The following CEP135 variants were observed in gnomAD, a reference collection of about 807,000 sequenced individuals.
CEP135 encodes the protein centrosomal protein of 135 kDa.
CEP135 carries 142 observed loss-of-function variants against 157.3 expected under a neutral mutation model. The observed-to-expected ratio is 0.90, with a 90% CI of 0.79 to 1.04. The LOEUF is 1.04. Among genes scored for constraint, CEP135 ranks in the 50% least tolerant of loss-of-function variants. CEP135 has a pLI of 0.00. For missense variants in CEP135, 1,317 were observed against 1,309.2 expected (o/e 1.01, Z -0.09); for synonymous variants, 396 against 439.8 (o/e 0.90, Z 1.25).
intron 8 of CEP135, among the ~76,000 whole-genome samples, chr4:55,967,269 C>T (rs1362897211): frequency 6.6e-6 from 1 of 152,028 alleles, no homozygotes; most frequent in African/African-American, 2.4e-5. Flanking sequence ...AAATACACCA[C>T]AAATGTTGAT....
At position 55,992,037 on chromosome 4, in the gene CEP135, A is replaced by C; in HGVS notation, c.1961A>C (p.His654Pro). The change falls in exon 15 of 26, where the codon CAT (histidine) becomes CCT (proline). Residue 654 changes from histidine to proline, a missense_variant. His to Pro is a moderately conservative substitution (Grantham distance 77). Transcript: ENST00000257287. ...AAAGTCCAAGCTCAAAAATTTAGCC[A>C]TGTGGCTGGTGACTCATCTCATCAG... is the stretch of plus-strand genomic sequence containing the variant. ...KLKVQAQKFS[H>P]VAGDSSHQKT... 1 of 1,610,352 alleles carries C rather than the reference A, an allele frequency of 6.2e-7. No individual in the cohort carries two copies. Among genetic ancestry groups the C allele is most frequent in the East Asian group, 2.2e-5 (1 of 44,696 alleles).
At chr4:55,957,459 G>C (rs1406459480) in intron 5 of CEP135, 95 bp downstream of exon 5, 4 of 1,077,274 alleles carry the variant, frequency 3.7e-6, no homozygotes, top group Non-Finnish European at 4.0e-6. Flanking sequence ...GTTAACTGTT[G>C]TGTCTCCAGT....
chr4:56,008,458 T>A, intron 18 of CEP135, 76 bp downstream of exon 18: 2 of 1,119,940 alleles, frequency 1.8e-6, no homozygotes, highest in Non-Finnish European at 1.3e-6. Context: ...TCAGTAGCAT[T>A]GCAGCAATAG....
chr4:55,958,909 ACTCT>A (rs1291125038), intron 5 of CEP135, among the ~76,000 whole-genome samples: 1 of 151,222 alleles, frequency 6.6e-6, no homozygotes, highest in East Asian at 1.9e-4. Flanking sequence ...ATGTGGAAAA[ACTCT>A]CTCTCTACAA....
chr4:55,964,991 A>G (rs1447166272), intron 7 of CEP135: 2 of 152,166 alleles, frequency 1.3e-5, no homozygotes, highest in South Asian at 2.1e-4. Context: ...TTGGTATGAC[A>G]GAGTTGCCTG....
intron 17 of CEP135, among the ~76,000 whole-genome samples, chr4:56,000,245 A>T (rs750077290): frequency 1.6e-4 from 24 of 152,344 alleles, no homozygotes; most frequent in Middle Eastern, 3.4e-3. Flanking sequence ...TATGAGATGT[A>T]CATATTTTTG....
chr4:56,010,780 C>A (rs1372605829), intron 19 of CEP135, among the ~76,000 whole-genome samples: 2 of 152,184 alleles, frequency 1.3e-5, no homozygotes. Context: ...AAACATCTTA[C>A]GTTTTTAAAA....
Position 55,965,817 on chromosome 4 carries a change from A to G in CEP135, c.1002A>G (p.Glu334=). The change falls in exon 8 of 26, where the codon GAA becomes GAG. Residue 334 remains glutamate (E), a synonymous_variant. Coordinates refer to ENST00000257287, the MANE Select transcript of CEP135 (RefSeq NM_025009.5). ...CACAGCAGTTGGAAAGACATAAAGA[A>G]GAAGTGCTTGAGACTGCTGATAAAG... ...QLAQQLERHK[E]EVLETADKEL... 3 of 1,613,780 alleles carry G rather than the reference A, an allele frequency of 1.9e-6. No homozygotes were observed. Among genetic ancestry groups the G allele is most frequent in the Non-Finnish European group, 2.5e-6 (3 of 1,179,778 alleles).
At chr4:55,999,758 T>G in intron 17 of CEP135, 113 bp downstream of exon 17, 1 of 1,027,676 alleles carries the variant, frequency 9.7e-7, no homozygotes, top group Non-Finnish European at 1.4e-6. Context: ...AGTGGCATGA[T>G]CACAGCTCAC....
intron 10 of CEP135, among the ~76,000 whole-genome samples, chr4:55,973,486 G>A (rs1729093908): frequency 6.6e-6 from 1 of 152,162 alleles, no homozygotes; most frequent in Non-Finnish European, 1.5e-5. Flanking sequence ...TTAAAAACGT[G>A]TGCATCTTGT....
intron 8 of CEP135, chr4:55,966,063 C>T (rs892745032): frequency 7.8e-6 from 4 of 515,486 alleles, no homozygotes; most frequent in African/African-American, 5.8e-5. Flanking sequence ...GTTTGAGTGT[C>T]TCTCTGAAGC....
In CEP135 at chr4:55,965,526, C is replaced by G. The variant is rs939183835; in HGVS notation, c.829-118C>G. The stretch of plus-strand genomic sequence containing the variant: ...ATATAAATTTGCAAATATAAAATAG[C>G]TGTAGTTTTAATCTTCAATAATTTT... On this transcript the variant is annotated intron_variant, in intron 7 of 25. Transcript: ENST00000257287. The G allele has an allele frequency of 1.3e-5, 9 of 678,466 alleles. No individual in the cohort carries two copies. The African/African-American group carries it at 1.6e-4, about 12-fold the overall frequency. The allele number at this position is 678,466 out of a possible 1,614,324, so 42.0% of individuals were successfully genotyped here.
In CEP135 at chr4:56,020,671, T is replaced by C. The variant is rs770629548; in HGVS notation, c.3216-5T>C. 11 of 1,611,660 alleles carry C rather than the reference T, an allele frequency of 6.8e-6. No individual in the cohort carries two copies. Among genetic ancestry groups the C allele is most frequent in the Non-Finnish European group, 9.3e-6 (11 of 1,178,594 alleles). ...TATTTCTTGATTTTTTAATTTGTTT[T>C]TAAGAACTAGTCAAAGCCGGGAAAA... On this transcript the variant is annotated splice_polypyrimidine_tract_variant and splice_region_variant and intron_variant, in intron 23 of 25. Transcript: ENST00000257287.
At position 55,965,926 on chromosome 4, in the gene CEP135, C is replaced by T. The variant is rs372345107; in HGVS notation, c.1044+67C>T. ...TCTCCTAGCACACGGTAAGCTTGAT[C>T]CCTTTTGATATCTGCATTCAGGTTT... On this transcript the variant is annotated intron_variant, in intron 8 of 25. Transcript: ENST00000257287. The T allele has an allele frequency of 1.4e-3, 1,901 of 1,324,828 alleles. 8 individuals are homozygous for T. The Middle Eastern group carries it at 0.028, about 19-fold the overall frequency. The allele number at this position is 1,324,828 out of a possible 1,614,324, so 82.1% of individuals were successfully genotyped here.
chr4:56,001,681 G>C (rs1355996750), intron 17 of CEP135, among the ~76,000 whole-genome samples: 1 of 152,096 alleles, frequency 6.6e-6, no homozygotes, highest in South Asian at 2.1e-4. Context: ...AAGTCAGTTA[G>C]TGCGATCTCC....
chr4:56,024,671 AAGT>A, intron 25 of CEP135, 57 bp downstream of exon 25: 5 of 1,235,210 alleles, frequency 4.0e-6, no homozygotes, highest in Non-Finnish European at 5.9e-6. Flanking sequence ...AAAATTCAGA[AAGT>A]AGTTTTCTGC....
rs1204536814 is a variant in CEP135 at position 55,985,335 on chromosome 4, C to T, written c.1834C>T (p.His612Tyr). 6.3e-6 allele frequency: 10 copies of T among 1,592,624 alleles called. No homozygotes were observed. Among genetic ancestry groups the T allele is most frequent in the East Asian group, 4.5e-5 (2 of 44,552 alleles). The change falls in exon 14 of 26, where the codon CAT becomes TAT. Residue 612 changes from histidine to tyrosine, a missense_variant. Transcript: ENST00000257287. ...ATCAGAATTAGAGAAAACTATTGAA[C>T]ATTTGACATGTGTTAATCATCAGGT... The part of the protein sequence containing the change: ...GKSELEKTIE[H>Y]LTCVNHQLES...
intron 25 of CEP135, among the ~76,000 whole-genome samples, chr4:56,027,432 C>T (rs1437675136): frequency 1.3e-5 from 2 of 152,170 alleles, no homozygotes; most frequent in Admixed American, 6.5e-5. Flanking sequence ...CCCCATGTCC[C>T]ACAAATCTAA....
chr4:55,959,938 A>C, intron 6 of CEP135, 172 bp downstream of exon 6: 1 of 640,584 alleles, frequency 1.6e-6, no homozygotes, highest in Non-Finnish European at 2.7e-6. Context: ...GGCTTTACTT[A>C]CTTAGCCTGT....
Sources: gnomAD v4.1 joint callset for allele counts (sites outside exome capture counted in the v4.1 genomes callset) on GRCh38, gnomAD v4.1.1 for gene constraint, MANE v1.5 for transcripts, NCBI Gene and HGNC (gene_info 2026-07-23, HGNC 2026-07-21) for gene names.